ZNF57: variants seen among roughly 807,000 people sequenced by gnomAD.
The protein encoded by ZNF57 is zinc finger protein 57.
Under a neutral mutation model 13.4 loss-of-function variants are expected in ZNF57, and 11 were observed. That is an observed-to-expected ratio of 0.82 (90% CI 0.52 to 1.36). The LOEUF (loss-of-function observed/expected upper bound fraction) is 1.36, where lower values mean the gene tolerates loss of function less well. Among genes scored for constraint, ZNF57 ranks in the 40% most tolerant of loss-of-function variants. ZNF57 has a pLI of 0.00. For missense variants in ZNF57, 696 were observed against 667.5 expected, an observed-to-expected ratio of 1.04 and a Z score of -0.47; for synonymous variants, 224 against 238.5, an observed-to-expected ratio of 0.94 and a Z score of 0.56.
chr19:2,909,269 T>C (rs2088108087), intron 1 of ZNF57, among the ~76,000 whole-genome samples: 1 of 133,440 alleles, frequency 7.5e-6, no homozygotes, highest in South Asian at 2.7e-4. Flanking sequence ...AGATTTTATT[T>C]TATTTATTTT....
intron 1 of ZNF57, among the ~76,000 whole-genome samples, chr19:2,906,941 C>T (rs988553121): frequency 6.6e-6 from 1 of 152,046 alleles, no homozygotes; most frequent in Non-Finnish European, 1.5e-5. Context: ...GTGTCTTGCA[C>T]CAGATCCCCA....
At chr19:2,911,259 G>A (rs10409641) in intron 1 of ZNF57, among the ~76,000 whole-genome samples, 3,852 of 152,006 alleles carry the variant, frequency 0.025, 157 homozygotes, top group African/African-American at 0.089. Flanking sequence ...GGCCGGGCAC[G>A]GTGGCTCATG....
chr19:2,914,210 T>C (rs1375610103), intron 1 of ZNF57, among the ~76,000 whole-genome samples: 1 of 152,178 alleles, frequency 6.6e-6, no homozygotes, highest in East Asian at 1.9e-4. Flanking sequence ...GAATGGGTGT[T>C]TATGTTTCAA....
At chr19:2,905,560 C>T (rs1388208183) in intron 1 of ZNF57, among the ~76,000 whole-genome samples, 1 of 150,904 alleles carries the variant, frequency 6.6e-6, no homozygotes, top group South Asian at 2.1e-4. Flanking sequence ...GTCAGGAGAT[C>T]GAGACCATCC....
At position 2,917,058 on chromosome 19, in the gene ZNF57, G is replaced by A. The variant is rs1568184090; in HGVS notation, c.437G>A (p.Arg146Lys). The change falls in exon 4 of 4, where the codon AGG becomes AAG. Residue 146 changes from arginine (R) to lysine (K), a missense_variant. Transcript: ENST00000306908. Reference protein sequence around the residue: ...GEKPYECTKCRTVFTHLSSLK... With the variant: ...GEKPYECTKCKTVFTHLSSLK... ...AAACCATATGAATGCACCAAGTGCA[G>A]GACAGTCTTCACGCATCTTTCTTCT... 1.2e-6 allele frequency: 2 copies of A among 1,614,194 alleles called. No homozygotes were observed. The highest frequency in any genetic ancestry group is 2.2e-5 in the East Asian group (1 of 44,892).
rs769346389 is a variant in ZNF57, at chr19:2,918,033, C to T, written c.1412C>T (p.Thr471Ile). 6.2e-7 allele frequency: 1 copy of T among 1,614,232 alleles called. No homozygotes were observed. Among genetic ancestry groups the T allele is most frequent in the South Asian group, 1.1e-5 (1 of 91,092 alleles). ...RAFQGHLRMHTGEKPYECKQC... is the reference protein window; with the variant it reads ...RAFQGHLRMHIGEKPYECKQC... ...TTCCAAGGTCATTTGAGGATGCACA[C>T]TGGAGAGAAGCCTTATGAGTGTAAA... is the stretch of plus-strand genomic sequence containing the variant. The change falls in exon 4 of 4, where the codon ACT becomes ATT. Residue 471 changes from threonine (T) to isoleucine (I), a missense_variant. Thr to Ile is a moderately conservative substitution (Grantham distance 89, BLOSUM62 -1). Coordinates refer to ENST00000306908, the MANE Select transcript of ZNF57 (RefSeq NM_173480.3).
At chr19:2,902,148 G>C (rs4061136) in intron 1 of ZNF57, among the ~76,000 whole-genome samples, 60,228 of 145,046 alleles carry the variant, frequency 0.42, 13,167 homozygotes, top group East Asian at 0.63. Flanking sequence ...GGCCAGCTCA[G>C]AGAACCTTAC....
At chr19:2,908,646 G>A (rs1049613209) in intron 1 of ZNF57, among the ~76,000 whole-genome samples, 17 of 151,568 alleles carry the variant, frequency 1.1e-4, no homozygotes, top group African/African-American at 9.7e-5. Flanking sequence ...CTCGTGATCC[G>A]CCCTCCTCGG....
chr19:2,905,416 C>CCA (rs1555677400), intron 1 of ZNF57, among the ~76,000 whole-genome samples: 1 of 74,036 alleles, frequency 1.4e-5, no homozygotes, highest in Admixed American at 9.7e-5. Flanking sequence ...CGCCCCCCCC[C>CCA]CCTCGGCATT....
chr19:2,916,435 G>T, intron 3 of ZNF57, 186 bp downstream of exon 3: 1 of 549,890 alleles, frequency 1.8e-6, no homozygotes, highest in South Asian at 2.9e-5. Flanking sequence ...ACAGGGGGCC[G>T]GGCGCGATGG....
rs764427137 is a variant in ZNF57 at position 2,917,557 on chromosome 19, G to C, written c.936G>C (p.Gln312His). 2 of 1,613,340 alleles carry C rather than the reference G, an allele frequency of 1.2e-6. No individual in the cohort carries two copies. The highest frequency in any genetic ancestry group is 2.7e-5 in the African/African-American group (2 of 74,670). The change falls in exon 4 of 4, where the codon CAG becomes CAC. Residue 312 changes from glutamine to histidine, a missense_variant. Coordinates refer to ENST00000306908, the MANE Select transcript of ZNF57 (RefSeq NM_173480.3). ...HTGEKPYECK[Q>H]CGKTFSWSET... ...GAGAGAAGCCCTATGAATGCAAGCA[G>C]TGTGGGAAAACATTCAGTTGGTCTG...
At chr19:2,916,300 C>G (rs746150840) in intron 3 of ZNF57, 51 bp downstream of exon 3, 1 of 1,452,008 alleles carries the variant, frequency 6.9e-7, no homozygotes, top group Middle Eastern at 1.8e-4. Flanking sequence ...AAATATATAT[C>G]TAAGTATTGC....
chr19:2,905,095 A>C (rs1388116170), intron 1 of ZNF57, among the ~76,000 whole-genome samples: 2 of 152,118 alleles, frequency 1.3e-5, no homozygotes, highest in African/African-American at 4.8e-5. Context: ...ATATTCATGC[A>C]CCATAAACAC....
chr19:2,906,244 G>A (rs370263319), intron 1 of ZNF57, among the ~76,000 whole-genome samples: 1 of 152,080 alleles, frequency 6.6e-6, no homozygotes, highest in Non-Finnish European at 1.5e-5. Context: ...TATAGAGCTG[G>A]GGTCTTGCTG....
intron 1 of ZNF57, 125 bp downstream of exon 1, chr19:2,901,173 A>G: frequency 8.2e-7 from 1 of 1,215,242 alleles, no homozygotes; most frequent in Non-Finnish European, 1.1e-6. Context: ...CAGGACTAGC[A>G]CCTGGGACCC....
At chr19:2,916,367 A>AG in intron 3 of ZNF57, 118 bp downstream of exon 3, 1 of 984,204 alleles carries the variant, frequency 1.0e-6, no homozygotes, top group Non-Finnish European at 1.4e-6. Context: ...AACCAAAAAA[A>AG]AAAATTTGTA....
Position 2,918,338 on chromosome 19 carries a change from T to A in ZNF57, c.*49T>A. On this transcript the variant is annotated 3_prime_UTR_variant, in exon 4 of 4. Coordinates refer to ENST00000306908, the MANE Select transcript of ZNF57 (RefSeq NM_173480.3). ...GGGTAACCTCACATTAATTCATGTA[T>A]AATGCTCCAGAAAATTCACACCAGG... The A allele has an allele frequency of 6.6e-7, 1 of 1,515,512 alleles. No homozygotes were observed. The highest frequency in any genetic ancestry group is 8.8e-7 in the Non-Finnish European group (1 of 1,132,664). The allele number at this position is 1,515,512 out of a possible 1,614,324, so 93.9% of individuals were successfully genotyped here.
intron 1 of ZNF57, among the ~76,000 whole-genome samples, chr19:2,902,207 A>T (rs531221192): frequency 1.4e-5 from 1 of 74,012 alleles, no homozygotes; most frequent in Admixed American, 1.8e-4. Flanking sequence ...GGTCAGAGGC[A>T]GTTTGGGGGA....
rs139239998 is a variant in ZNF57 at position 2,918,288 on chromosome 19, A to G, written c.1667A>G (p.Ter556=). Residue 556 remains the stop codon, a stop_retained_variant, in exon 4 of 4, where the codon TAA becomes TGA. Coordinates refer to ENST00000306908, the MANE Select transcript of ZNF57 (RefSeq NM_173480.3). ...TCTAAAACCAGTGAGAGCACACACT[A>G]AAGAGAAATTCTATAACTTTAATGG... The part of the protein sequence containing the change: ...ILSKTSESTH[*] 23 of 1,585,678 alleles carry G rather than the reference A, an allele frequency of 1.5e-5. No individual in the cohort carries two copies. The highest frequency in any genetic ancestry group is 1.1e-4 in the East Asian group (5 of 44,622).
Sources: allele counts gnomAD v4.1 joint callset (sites outside exome capture counted in the v4.1 genomes callset), GRCh38; gene constraint gnomAD v4.1.1; transcripts MANE v1.5; gene names NCBI Gene and HGNC (gene_info 2026-07-23, HGNC 2026-07-21).